SLC6A19: variants seen among roughly 807,000 people sequenced by gnomAD.
SLC6A19 encodes solute carrier family 6 member 19.
In SLC6A19, 67 loss-of-function variants were observed where a neutral mutation model predicts 68.3. The observed-to-expected ratio is 0.98, with a 90% CI of 0.81 to 1.20. The LOEUF (loss-of-function observed/expected upper bound fraction) is 1.20. Ranked by LOEUF, SLC6A19 falls within the 50% of genes most tolerant of loss-of-function variation. SLC6A19 has a pLI of 0.00. For synonymous variants in SLC6A19, 392 were observed against 374.9 expected (o/e 1.05, Z -0.53); for missense variants, 813 against 851.6 (o/e 0.95, Z 0.56).
Position 1,222,093 on chromosome 5 carries a change from G to A in SLC6A19, c.*189G>A, listed in dbSNP as rs1160521267. 2.1e-5 allele frequency: 14 copies of A among 659,580 alleles called. No individual in the cohort carries two copies. The highest frequency in any genetic ancestry group is 3.4e-5 in the Non-Finnish European group (13 of 383,134). 40.9% of individuals were successfully genotyped at this position (659,580 alleles called of 1,614,324 possible). On this transcript the variant is annotated 3_prime_UTR_variant, in exon 12 of 12. Transcript: ENST00000304460. ...TATCGTGTGTGCATGTACATGCATG[G>A]GCACTGTGTGAGTGTGCACGTGTAT...
chr5:1,222,038 G>A lies in SLC6A19; in HGVS notation c.*134G>A. 2 of 961,892 alleles carry A rather than the reference G, an allele frequency of 2.1e-6. No homozygotes were observed. Among genetic ancestry groups the A allele is most frequent in the Non-Finnish European group, 1.6e-6 (1 of 636,356 alleles). The allele number at this position is 961,892 out of a possible 1,614,324, so 59.6% of individuals were successfully genotyped here. A position where few individuals can be genotyped will look rare whatever the true frequency, so the allele number is the denominator to read the frequency against. On this transcript the variant is annotated 3_prime_UTR_variant, in exon 12 of 12. Coordinates refer to ENST00000304460, the MANE Select transcript of SLC6A19 (RefSeq NM_001003841.3). ...ATGCTCGTGTGTGAGTGTGTGTATT[G>A]TACACGCATGTGCCATGTGTGCAGA...
rs1442353128 is a variant in SLC6A19, at chr5:1,222,426, C to T, written c.*522C>T. ...ATCTGTGAGTGTATATACATGCATG[C>T]AATTGTGTGTATGTGTGTTCTGTGT... On this transcript the variant is annotated 3_prime_UTR_variant, in exon 12 of 12. Coordinates refer to ENST00000304460, the MANE Select transcript of SLC6A19 (RefSeq NM_001003841.3). 2.3e-6 allele frequency: 1 copy of T among 439,228 alleles called. No homozygotes were observed. The highest frequency in any genetic ancestry group is 4.0e-6 in the Non-Finnish European group (1 of 250,574). The allele number at this position is 439,228 out of a possible 1,614,324, so 27.2% of individuals were successfully genotyped here.
At chr5:1,206,066 G>T (rs1745842213) in intron 1 of SLC6A19, among the ~76,000 whole-genome samples, 1 of 152,224 alleles carries the variant, frequency 6.6e-6, no homozygotes, top group Non-Finnish European at 1.5e-5. Flanking sequence ...GGATAGAGGT[G>T]CTGGGCTCCA....
At chr5:1,220,737 T>C (rs966395971) in intron 10 of SLC6A19, among the ~76,000 whole-genome samples, 1 of 151,932 alleles carries the variant, frequency 6.6e-6, no homozygotes, top group Non-Finnish European at 1.5e-5. Flanking sequence ...CAGAAGAGGG[T>C]TCAGCAGAGG....
In SLC6A19 at chr5:1,214,439, G is replaced by A. The variant is rs746956144; in HGVS notation, c.887+374G>A. 5.3e-5 allele frequency among the ~76,000 whole-genome samples: 8 copies of A among 152,064 alleles called. No homozygotes were observed. Among genetic ancestry groups the A allele is most frequent in the Non-Finnish European group, 1.0e-4 (7 of 68,000 alleles). ...ATGTGGCGCCCCCGACGCCCTCCACGTCCCCGACCAAGGTCTGATCCTTCC... is the reference window on the plus strand; with the variant it reads ...ATGTGGCGCCCCCGACGCCCTCCACATCCCCGACCAAGGTCTGATCCTTCC... On this transcript the variant is annotated intron_variant, in intron 6 of 11. Transcript: ENST00000304460. The surrounding 1 kb of genome is among the most constrained non-coding windows in gnomAD (Gnocchi z 7.4).
rs534831074 is a variant in SLC6A19 at position 1,220,235 on chromosome 5, C to T, written c.1538+571C>T. ...GACCAGCCTGGCCAACGCGATGAAA[C>T]GCCGTCTCTACTAATAATACAAAAA... On this transcript the variant is annotated intron_variant, in intron 10 of 11. Transcript: ENST00000304460. 1.6e-4 allele frequency among the ~76,000 whole-genome samples: 25 copies of T among 152,128 alleles called. No individual in the cohort carries two copies. The South Asian group carries it at 1.7e-3, about 10-fold the overall frequency.
At position 1,222,602 on chromosome 5, in the gene SLC6A19, CGT is replaced by C; in HGVS notation, c.*706_*707del. The C allele has an allele frequency of 3.2e-6, 1 of 310,066 alleles. No individual in the cohort carries two copies. Among genetic ancestry groups the C allele is most frequent in the Non-Finnish European group, 6.0e-6 (1 of 167,578 alleles). 19.2% of individuals were successfully genotyped at this position (310,066 alleles called of 1,614,324 possible). On this transcript the variant is annotated 3_prime_UTR_variant, in exon 12 of 12. Coordinates refer to ENST00000304460, the MANE Select transcript of SLC6A19 (RefSeq NM_001003841.3). ...TGTGTATATGTGTGTGATGTGTGCT[CGT>C]GTGTGTGCATATTCAGGCAGGTGTG...
chr5:1,212,061 G>A lies in SLC6A19; in HGVS notation c.482-242G>A, dbSNP rs1746053655. ...TGTGTGTGTGTGTGCATGTGCATGT[G>A]TGGGGTGTGCAGGTGCATGGACCAG... On this transcript the variant is annotated intron_variant, in intron 3 of 11. Transcript: ENST00000304460. This position sits in a 1 kb window ranked among gnomAD's most constrained non-coding sequence, Gnocchi z 5.1. Among the ~76,000 whole-genome samples, 1 of 151,484 alleles carries A rather than the reference G, an allele frequency of 6.6e-6. No homozygotes were observed. Among genetic ancestry groups the A allele is most frequent in the Non-Finnish European group, 1.5e-5 (1 of 67,854 alleles).
At chr5:1,207,426 T>C (rs995684351) in intron 1 of SLC6A19, among the ~76,000 whole-genome samples, 9 of 152,222 alleles carry the variant, frequency 5.9e-5, no homozygotes, top group Admixed American at 5.9e-4. Flanking sequence ...CCAGGCCCCT[T>C]CTCTGGGTGC....
chr5:1,219,931 G>C (rs1212404861), intron 10 of SLC6A19, among the ~76,000 whole-genome samples: 1 of 152,192 alleles, frequency 6.6e-6, no homozygotes, highest in East Asian at 1.9e-4. Context: ...CCCACGCAGA[G>C]AGCCAGAGCT....
rs903448470 is a variant in SLC6A19 at position 1,216,849 on chromosome 5, C to T, written c.1077C>T (p.Asn359=). Residue 359 remains asparagine (N), a synonymous_variant, in exon 8 of 12, where the codon AAC becomes AAT. Transcript: ENST00000304460. ...CTGAAGGCAACGTGACCCAGGAGAACTTTGTGGACATGCAGCAGCGGTGCA... is the reference window on the plus strand; with the variant it reads ...CTGAAGGCAACGTGACCCAGGAGAATTTTGTGGACATGCAGCAGCGGTGCA... ...DLPEGNVTQE[N]FVDMQQRCNA... is the part of the protein sequence containing the mutation. 3 of 1,613,704 alleles carry T rather than the reference C, an allele frequency of 1.9e-6. No individual in the cohort carries two copies. The highest frequency in any genetic ancestry group is 1.7e-6 in the Non-Finnish European group (2 of 1,180,050).
In SLC6A19 at chr5:1,216,890, C is replaced by T. The variant is rs770356208; in HGVS notation, c.1118C>T (p.Ala373Val). The stretch of plus-strand genomic sequence containing the variant: ...CAGCGGTGCAACGCCTCCGACCCCG[C>T]GGCCTACGCGCAGCTGGTGTTCCAG... ...MQQRCNASDP[A>V]AYAQLVFQTC... The change falls in exon 8 of 12, where the codon GCG (alanine) becomes GTG (valine). Residue 373 changes from alanine to valine, a missense_variant. Ala to Val is a moderately conservative substitution (Grantham distance 64). Transcript: ENST00000304460. 39 of 1,613,542 alleles carry T rather than the reference C, an allele frequency of 2.4e-5. No individual in the cohort carries two copies. The highest frequency in any genetic ancestry group is 6.7e-5 in the Admixed American group (4 of 60,018).
At chr5:1,220,354 G>A (rs768515665) in intron 10 of SLC6A19, among the ~76,000 whole-genome samples, 6 of 148,988 alleles carry the variant, frequency 4.0e-5, no homozygotes, top group Non-Finnish European at 8.9e-5. Flanking sequence ...AGGTTGCAGT[G>A]AGGGGAGATC....
In SLC6A19 at chr5:1,219,606, C is replaced by CT; in HGVS notation, c.1481dup (p.Leu495AlafsTer22). 6.2e-7 allele frequency: 1 copy of CT among 1,611,030 alleles called. No individual in the cohort carries two copies. Among genetic ancestry groups the CT allele is most frequent in the Non-Finnish European group, 8.5e-7 (1 of 1,180,026 alleles). On this transcript the variant is annotated frameshift_variant, in exon 10 of 12. Coordinates refer to ENST00000304460, the MANE Select transcript of SLC6A19 (RefSeq NM_001003841.3). LOFTEE classifies it high-confidence loss of function. Reference sequence around the variant, plus strand: ...GGACAGCTATGCCGGCTCCATTCCCCTGCTCATCATCGCCTTCTGCGAGAT... The same window carrying CT: ...GGACAGCTATGCCGGCTCCATTCCCCTTGCTCATCATCGCCTTCTGCGAGAT...
rs1397501855 is a variant in SLC6A19, at chr5:1,210,579, C to G, written c.479C>G (p.Thr160Arg). ...GACTGCCCGCTCAACGAGAACCAGACAGGTGAGTCCTTGCAAGCAGCCCCA... is the reference window on the plus strand; with the variant it reads ...GACTGCCCGCTCAACGAGAACCAGAGAGGTGAGTCCTTGCAAGCAGCCCCA... ...WSDCPLNENQ[T>R]GYVDECARSS... The change falls in exon 3 of 12, where the codon ACA becomes AGA. Residue 160 changes from threonine to arginine, a missense_variant and splice_region_variant. Physicochemically the swap from Thr to Arg is moderately conservative, Grantham distance 71. Coordinates refer to ENST00000304460, the MANE Select transcript of SLC6A19 (RefSeq NM_001003841.3). The G allele has an allele frequency of 2.5e-6, 4 of 1,612,724 alleles. No individual in the cohort carries two copies. In the South Asian group the frequency reaches 3.3e-5, roughly 13 times the overall value.
In SLC6A19 at chr5:1,212,494, G is replaced by C; in HGVS notation, c.663+10G>C. 1 of 1,605,266 alleles carries C rather than the reference G, an allele frequency of 6.2e-7. No homozygotes were observed. The highest frequency in any genetic ancestry group is 2.2e-5 in the East Asian group (1 of 44,864). On this transcript the variant is annotated intron_variant, in intron 4 of 11. Coordinates refer to ENST00000304460, the MANE Select transcript of SLC6A19 (RefSeq NM_001003841.3). This position sits in a 1 kb window ranked among gnomAD's most constrained non-coding sequence, Gnocchi z 5.1. ...CGAGACCACCGGGAAGGTACTGCAT[G>C]GGCCCGGCCAGGCTGCAGGTGCTCC...
At chr5:1,206,842 G>C (rs1157695733) in intron 1 of SLC6A19, among the ~76,000 whole-genome samples, 2 of 152,208 alleles carry the variant, frequency 1.3e-5, no homozygotes, top group Non-Finnish European at 2.9e-5. Context: ...GCCCCCAGGA[G>C]ACAGGACCCA....
chr5:1,216,921 C>T lies in SLC6A19; in HGVS notation c.1149C>T (p.Cys383=), dbSNP rs1304989544. Residue 383 remains cysteine (C), a synonymous_variant, in exon 8 of 12, where the codon TGC becomes TGT. Transcript: ENST00000304460. The stretch of plus-strand genomic sequence containing the variant: ...ACGCGCAGCTGGTGTTCCAGACCTG[C>T]GACATCAACGCCTTCCTCTCAGAGG... ...AAYAQLVFQT[C]DINAFLSEAV... 1.2e-5 allele frequency: 19 copies of T among 1,613,140 alleles called. No individual in the cohort carries two copies. Among genetic ancestry groups the T allele is most frequent in the Middle Eastern group, 1.7e-4 (1 of 5,790 alleles).
In SLC6A19 at chr5:1,209,218, G is replaced by A. The variant is rs547150097; in HGVS notation, c.343+332G>A. Among the ~76,000 whole-genome samples, 1 of 152,222 alleles carries A rather than the reference G, an allele frequency of 6.6e-6. No individual in the cohort carries two copies. The highest frequency in any genetic ancestry group is 2.4e-5 in the African/African-American group (1 of 41,546). On this transcript the variant is annotated intron_variant, in intron 2 of 11. Transcript: ENST00000304460. This position sits in a 1 kb window ranked among gnomAD's most constrained non-coding sequence, Gnocchi z 5.5. Reference sequence around the variant, plus strand: ...GCGAGAGCCCAGGGCCCAGGAGGGGGCACCAGCCTCCTGTGTCCACTCCCC... The same window carrying A: ...GCGAGAGCCCAGGGCCCAGGAGGGGACACCAGCCTCCTGTGTCCACTCCCC...
Sources: allele counts gnomAD v4.1 joint callset (sites outside exome capture counted in the v4.1 genomes callset), GRCh38; gene constraint gnomAD v4.1.1; non-coding constraint Gnocchi (gnomAD v3.1); transcripts MANE v1.5; gene names NCBI Gene and HGNC (gene_info 2026-07-23, HGNC 2026-07-21).